Variants in TNFSF4 observed in about 807,000 individuals in gnomAD.
TNFSF4 encodes the protein tumor necrosis factor ligand superfamily member 4.
TNFSF4 carries 4 observed loss-of-function variants against 7.3 expected under a neutral mutation model. That is an observed-to-expected ratio of 0.55 (90% CI 0.27 to 1.25). TNFSF4 has a LOEUF of 1.25. TNFSF4 is among the 50% of genes most tolerant of loss of function. The probability of loss-of-function intolerance (pLI) is 0.12; values close to 1 mark genes in which losing one functional copy is unlikely to be tolerated. For missense variants in TNFSF4, 181 were observed against 208.8 expected (o/e 0.87, Z 0.82); for synonymous variants, 76 against 83.7 (o/e 0.91, Z 0.50).
the TNFSF4 span, among the ~76,000 whole-genome samples, chr1:173,401,560 G>T: frequency 6.6e-6 from 1 of 152,164 alleles, no homozygotes; most frequent in Non-Finnish European, 1.5e-5. Flanking sequence ...GGCCACTTGA[G>T]TTGAAACATC....
At chr1:173,198,237 G>A (rs1649789842) in intron 1 of TNFSF4, among the ~76,000 whole-genome samples, 1 of 152,162 alleles carries the variant, frequency 6.6e-6, no homozygotes, top group South Asian at 2.1e-4. Flanking sequence ...TCCCGGACCA[G>A]AAAATGTTCT....
At chr1:173,296,692 T>C in the TNFSF4 span, among the ~76,000 whole-genome samples, 81 of 152,060 alleles carry the variant, frequency 5.3e-4, no homozygotes, top group African/African-American at 1.9e-3. Flanking sequence ...CTTCCTACTG[T>C]GTTAGTGGAC....
At chr1:173,411,267 G>T in the TNFSF4 span, among the ~76,000 whole-genome samples, 1 of 152,150 alleles carries the variant, frequency 6.6e-6, no homozygotes, top group South Asian at 2.1e-4. Flanking sequence ...AGTGTCAGGG[G>T]CAGGGGCAGG....
the TNFSF4 span, among the ~76,000 whole-genome samples, chr1:173,254,697 G>T: frequency 5.3e-5 from 8 of 152,182 alleles, no homozygotes; most frequent in Non-Finnish European, 1.2e-4. Flanking sequence ...GGTGATGGGG[G>T]TAAACCTAGA....
chr1:173,305,476 C>T, the TNFSF4 span, among the ~76,000 whole-genome samples: 1 of 151,802 alleles, frequency 6.6e-6, no homozygotes, highest in African/African-American at 2.4e-5. Context: ...GCAGGCTTGG[C>T]CCACGTATAG....
At chr1:173,275,221 C>T in the TNFSF4 span, among the ~76,000 whole-genome samples, 1 of 152,124 alleles carries the variant, frequency 6.6e-6, no homozygotes, top group Non-Finnish European at 1.5e-5. Context: ...CAGGCCTGGG[C>T]AGATCCTGCA....
chr1:173,391,445 A>C, the TNFSF4 span, among the ~76,000 whole-genome samples: 1 of 128,948 alleles, frequency 7.8e-6, no homozygotes, highest in Non-Finnish European at 1.8e-5. Flanking sequence ...CAAAAAAAAA[A>C]AAAAAAAAAA....
chr1:173,357,085 T>A, the TNFSF4 span, among the ~76,000 whole-genome samples: 3 of 152,180 alleles, frequency 2.0e-5, no homozygotes, highest in South Asian at 4.1e-4. Flanking sequence ...AGTTAATAGG[T>A]TAGAGAAAAC....
At chr1:173,243,352 C>T in the TNFSF4 span, among the ~76,000 whole-genome samples, 1 of 152,172 alleles carries the variant, frequency 6.6e-6, no homozygotes, top group African/African-American at 2.4e-5. Context: ...TCAATAATCC[C>T]ATTTTCCAGC....
chr1:173,361,471 C>T, the TNFSF4 span, among the ~76,000 whole-genome samples: 1 of 152,054 alleles, frequency 6.6e-6, no homozygotes, highest in African/African-American at 2.4e-5. Context: ...TGGTGGCATG[C>T]ACCTGTAATC....
chr1:173,445,560 A>G, the TNFSF4 span, among the ~76,000 whole-genome samples: 3 of 152,138 alleles, frequency 2.0e-5, no homozygotes, highest in Non-Finnish European at 4.4e-5. Flanking sequence ...AGTTAAACAA[A>G]CAGAAAAGGG....
At chr1:173,399,864 T>A in the TNFSF4 span, among the ~76,000 whole-genome samples, 1 of 152,220 alleles carries the variant, frequency 6.6e-6, no homozygotes. Flanking sequence ...CAGCTACCAC[T>A]GAGTGTCCAA....
chr1:173,398,832 A>G, the TNFSF4 span, among the ~76,000 whole-genome samples: 2 of 152,318 alleles, frequency 1.3e-5, no homozygotes, highest in South Asian at 4.1e-4. Flanking sequence ...CAACCAAAAA[A>G]GAGGCACGAT....
intron 1 of TNFSF4, among the ~76,000 whole-genome samples, chr1:173,198,754 TAA>T (rs1026414501): frequency 6.6e-6 from 1 of 152,066 alleles, no homozygotes; most frequent in Non-Finnish European, 1.5e-5. Context: ...GAACCTAAAA[TAA>T]AAGTTAAAAA....
At chr1:173,393,841 T>C in the TNFSF4 span, among the ~76,000 whole-genome samples, 1 of 152,176 alleles carries the variant, frequency 6.6e-6, no homozygotes, top group East Asian at 1.9e-4. Flanking sequence ...GTGAGAAACA[T>C]CTGTACTTTC....
the TNFSF4 span, chr1:173,351,822 T>C: frequency 3.3e-6 from 2 of 608,484 alleles, no homozygotes; most frequent in Non-Finnish European, 6.1e-6. Context: ...CTACATTGAA[T>C]GGGTGCAGCA....
chr1:173,445,609 T>C, the TNFSF4 span, among the ~76,000 whole-genome samples: 1 of 152,090 alleles, frequency 6.6e-6, no homozygotes, highest in Non-Finnish European at 1.5e-5. Context: ...AGTCAGTAGG[T>C]AAATTTTCTC....
the TNFSF4 span, among the ~76,000 whole-genome samples, chr1:173,219,044 C>T: frequency 6.6e-6 from 1 of 152,016 alleles, no homozygotes; most frequent in African/African-American, 2.4e-5. Flanking sequence ...GAAAAACTGT[C>T]TTGTTTATTT....
At chr1:173,272,057 T>C in the TNFSF4 span, among the ~76,000 whole-genome samples, 1 of 152,130 alleles carries the variant, frequency 6.6e-6, no homozygotes, top group Admixed American at 6.5e-5. Context: ...GGAGCACAGA[T>C]GAAGCTGGAA....
Sources: allele counts gnomAD v4.1 joint callset (sites outside exome capture counted in the v4.1 genomes callset), GRCh38; gene constraint gnomAD v4.1.1; transcripts MANE v1.5; gene names NCBI Gene and HGNC (gene_info 2026-07-23, HGNC 2026-07-21).